The following DCC variants were observed in gnomAD, a reference collection of about 807,000 sequenced individuals.
DCC encodes DCC netrin 1 receptor.
In DCC, 58 loss-of-function variants were observed where a neutral mutation model predicts 172.5. That is an observed-to-expected ratio of 0.34 (90% CI 0.27 to 0.42). The LOEUF is 0.42. Ranked by LOEUF, DCC falls within the 10% of genes least tolerant of loss-of-function variation. The pLI is 1.00. For missense variants in DCC, 1,740 were observed against 1,791.0 expected (o/e 0.97, Z 0.51); for synonymous variants, 709 against 644.5 (o/e 1.10, Z -1.52).
intron 1 of DCC, among the ~76,000 whole-genome samples, chr18:52,428,796 A>G (rs1987525872): frequency 6.6e-6 from 1 of 152,126 alleles, no homozygotes; most frequent in Admixed American, 6.6e-5. Context: ...ATCAGCAGGT[A>G]TGTTATTAAT....
intron 7 of DCC, among the ~76,000 whole-genome samples, chr18:53,100,465 GTGT>G (rs1324783578): frequency 6.6e-6 from 1 of 152,046 alleles, no homozygotes; most frequent in Non-Finnish European, 1.5e-5. Flanking sequence ...AACTGTTTCA[GTGT>G]TGAAGTAAAG....
chr18:52,898,850 C>A (rs1319302358), intron 2 of DCC, among the ~76,000 whole-genome samples: 1 of 152,122 alleles, frequency 6.6e-6, no homozygotes, highest in Admixed American at 6.6e-5. Context: ...AGATTGATGG[C>A]CACAGCCATT....
At chr18:52,653,636 A>G (rs891154522) in intron 1 of DCC, among the ~76,000 whole-genome samples, 2 of 152,234 alleles carry the variant, frequency 1.3e-5, no homozygotes, top group African/African-American at 2.4e-5. Flanking sequence ...GAGTTTTAGC[A>G]TGAGTAGGAG....
chr18:52,863,863 C>A (rs2039181288), intron 2 of DCC, among the ~76,000 whole-genome samples: 2 of 151,080 alleles, frequency 1.3e-5, no homozygotes, highest in Non-Finnish European at 3.0e-5. Context: ...CCTTAAAGGA[C>A]CTTAAAGTTA....
At chr18:53,512,394 A>C (rs1254785624) in intron 27 of DCC, among the ~76,000 whole-genome samples, 2 of 151,570 alleles carry the variant, frequency 1.3e-5, no homozygotes, top group Admixed American at 6.6e-5. Flanking sequence ...AACTCTAAAA[A>C]GCAGAGCGCC....
chr18:53,435,274 C>T lies in DCC; in HGVS notation c.3229+65C>T, dbSNP rs1037696037. 33 of 1,109,624 alleles carry T rather than the reference C, an allele frequency of 3.0e-5. No homozygotes were observed. In the Middle Eastern group the frequency reaches 1.7e-3, roughly 56 times the overall value. The allele number at this position is 1,109,624 out of a possible 1,614,324, so 68.7% of individuals were successfully genotyped here. On this transcript the variant is annotated intron_variant, in intron 22 of 28. Coordinates refer to ENST00000442544, the MANE Select transcript of DCC (RefSeq NM_005215.4). ...AATTAAATGGTTAATTCAAGAGTGTCTGGGGCAAATTTTCTATCAACTACA... is the reference window on the plus strand; with the variant it reads ...AATTAAATGGTTAATTCAAGAGTGTTTGGGGCAAATTTTCTATCAACTACA...
At chr18:52,527,606 G>T (rs1145271) in intron 1 of DCC, among the ~76,000 whole-genome samples, 37,230 of 152,000 alleles carry the variant, frequency 0.24, 4,738 homozygotes, top group African/African-American at 0.3. Flanking sequence ...AACAATTTAG[G>T]CCATTAGTAT....
intron 5 of DCC, among the ~76,000 whole-genome samples, chr18:53,048,432 C>T (rs918028566): frequency 6.6e-6 from 1 of 150,922 alleles, no homozygotes; most frequent in Non-Finnish European, 1.5e-5. Flanking sequence ...CGACTCCATC[C>T]ACGTTGCTTT....
chr18:52,990,412 T>C (rs899801986), intron 5 of DCC, among the ~76,000 whole-genome samples: 6 of 151,712 alleles, frequency 4.0e-5, no homozygotes, highest in Non-Finnish European at 8.8e-5. Flanking sequence ...TGGTGGTCCA[T>C]GCCTGTAATC....
intron 1 of DCC, among the ~76,000 whole-genome samples, chr18:52,577,786 T>A (rs1295152133): frequency 6.6e-6 from 1 of 152,190 alleles, no homozygotes; most frequent in Admixed American, 6.5e-5. Context: ...TTGGCAGAGA[T>A]TGCTGTTGTT....
chr18:53,282,176 GCTTT>G (rs1221262731), intron 12 of DCC, among the ~76,000 whole-genome samples: 3 of 151,986 alleles, frequency 2.0e-5, no homozygotes, highest in African/African-American at 7.2e-5. Flanking sequence ...TGTTGTTTTT[GCTTT>G]CTTTATTTTT....
chr18:53,149,191 T>A (rs767555417), intron 7 of DCC, among the ~76,000 whole-genome samples: 22 of 151,956 alleles, frequency 1.4e-4, no homozygotes, highest in Non-Finnish European at 2.8e-4. Flanking sequence ...AGTTCCTACA[T>A]CTCCAGACAG....
chr18:52,661,735 ATCT>A (rs1231692418), intron 1 of DCC, among the ~76,000 whole-genome samples: 3 of 152,268 alleles, frequency 2.0e-5, no homozygotes, highest in Non-Finnish European at 4.4e-5. Flanking sequence ...TATTTATAAG[ATCT>A]TCTAAAATAG....
At chr18:53,277,197 C>T (rs904598936) in intron 12 of DCC, among the ~76,000 whole-genome samples, 12 of 152,242 alleles carry the variant, frequency 7.9e-5, no homozygotes, top group South Asian at 4.1e-4. Context: ...GGGCCAGGCA[C>T]GATAGCTCAC....
chr18:52,600,305 G>A (rs1406406749), intron 1 of DCC, among the ~76,000 whole-genome samples: 1 of 152,106 alleles, frequency 6.6e-6, no homozygotes, highest in Non-Finnish European at 1.5e-5. Context: ...TCTGCATGTG[G>A]AAAATCTGCA....
intron 1 of DCC, among the ~76,000 whole-genome samples, chr18:52,478,308 C>A (rs1989154900): frequency 6.6e-6 from 1 of 152,200 alleles, no homozygotes; most frequent in African/African-American, 2.4e-5. Flanking sequence ...TTTTCTTTGA[C>A]CTATTTCCTC....
At chr18:52,521,271 G>T (rs1336046408) in intron 1 of DCC, among the ~76,000 whole-genome samples, 1 of 152,050 alleles carries the variant, frequency 6.6e-6, no homozygotes, top group Non-Finnish European at 1.5e-5. Flanking sequence ...GTCAACCTCT[G>T]GGTCAAATAG....
intron 7 of DCC, among the ~76,000 whole-genome samples, chr18:53,089,863 T>C (rs2042977705): frequency 6.6e-6 from 1 of 152,240 alleles, no homozygotes; most frequent in African/African-American, 2.4e-5. Flanking sequence ...ACAGGTATAT[T>C]GTATAAGGTG....
intron 5 of DCC, among the ~76,000 whole-genome samples, chr18:52,946,523 A>G (rs189390125): frequency 1.5e-4 from 23 of 151,964 alleles, no homozygotes; most frequent in Admixed American, 1.5e-3. Flanking sequence ...CATCTGGGCT[A>G]TGGGATTTAG....
Sources: allele counts gnomAD v4.1 joint callset (sites outside exome capture counted in the v4.1 genomes callset), GRCh38; gene constraint gnomAD v4.1.1; transcripts MANE v1.5; gene names NCBI Gene and HGNC (gene_info 2026-07-23, HGNC 2026-07-21).